Variants in CADM1 observed in about 807,000 individuals in gnomAD.
CADM1 encodes the protein cell adhesion molecule 1.
CADM1 carries 15 observed loss-of-function variants against 53.1 expected under a neutral mutation model. That is an observed-to-expected ratio of 0.28 (90% CI 0.19 to 0.44). The LOEUF (loss-of-function observed/expected upper bound fraction) is 0.44, where lower values mean the gene tolerates loss of function less well. Among genes scored for constraint, CADM1 ranks in the 20% least tolerant of loss-of-function variants. CADM1 has a pLI of 1.00. For synonymous variants in CADM1, 281 were observed against 243.0 expected (o/e 1.16, Z -1.45); for missense variants, 434 against 611.3 (o/e 0.71, Z 3.06).
At chr11:115,398,346 T>C (rs1243552248) in intron 1 of CADM1, among the ~76,000 whole-genome samples, 2 of 152,198 alleles carry the variant, frequency 1.3e-5, no homozygotes, top group Non-Finnish European at 2.9e-5. Context: ...CAGCATCTCC[T>C]TAGAGAGGAA....
chr11:115,332,477 T>C (rs1388709787), intron 1 of CADM1, among the ~76,000 whole-genome samples: 1 of 152,168 alleles, frequency 6.6e-6, no homozygotes, highest in Non-Finnish European at 1.5e-5. Flanking sequence ...ATGCTCTACT[T>C]ACTGAGGATT....
chr11:115,352,545 C>T (rs1351026888), intron 1 of CADM1, among the ~76,000 whole-genome samples: 1 of 152,152 alleles, frequency 6.6e-6, no homozygotes, highest in African/African-American at 2.4e-5. Context: ...AAGAGCTCAT[C>T]TCCAGGAAAA....
chr11:115,182,840 G>T (rs1939375532), intron 10 of CADM1, among the ~76,000 whole-genome samples: 1 of 152,148 alleles, frequency 6.6e-6, no homozygotes, highest in African/African-American at 2.4e-5. Flanking sequence ...GATAAATCAT[G>T]AGGTGTTTAG....
chr11:115,461,304 T>C (rs557823967), intron 1 of CADM1, among the ~76,000 whole-genome samples: 1 of 152,116 alleles, frequency 6.6e-6, no homozygotes, highest in East Asian at 1.9e-4. Context: ...GTCATCTTCA[T>C]ATAGGAAGGT....
intron 6 of CADM1, 113 bp from the exon 7 acceptor site, chr11:115,214,893 G>T: frequency 9.0e-7 from 1 of 1,106,136 alleles, no homozygotes; most frequent in Non-Finnish European, 1.4e-6. Flanking sequence ...GATATTTTAA[G>T]TTCACAGAAT....
At chr11:115,256,508 C>T (rs572773558) in intron 1 of CADM1, among the ~76,000 whole-genome samples, 4 of 152,282 alleles carry the variant, frequency 2.6e-5, no homozygotes, top group Admixed American at 6.5e-5. Flanking sequence ...CTAACAGCAT[C>T]GTTAGCAGCT....
intron 1 of CADM1, among the ~76,000 whole-genome samples, chr11:115,350,340 A>G (rs1367620956): frequency 6.6e-6 from 1 of 152,188 alleles, no homozygotes; most frequent in South Asian, 2.1e-4. Flanking sequence ...CTATTGGTCA[A>G]AAGGGTGATT....
intron 1 of CADM1, among the ~76,000 whole-genome samples, chr11:115,338,877 ATT>A (rs56300408): frequency 1.9e-4 from 24 of 127,754 alleles, no homozygotes; most frequent in African/African-American, 6.4e-4. Context: ...TATTTTTTTT[ATT>A]TTTTTTTTTT....
intron 1 of CADM1, among the ~76,000 whole-genome samples, chr11:115,411,507 T>C (rs1266367373): frequency 1.3e-5 from 2 of 152,156 alleles, no homozygotes; most frequent in Non-Finnish European, 2.9e-5. Flanking sequence ...TAGGAGAGCC[T>C]TACTACAATC....
chr11:115,483,441 G>C (rs954718308), intron 1 of CADM1, among the ~76,000 whole-genome samples: 5 of 152,160 alleles, frequency 3.3e-5, no homozygotes. Context: ...GACAAAGCTA[G>C]AGCTATTAAT....
intron 9 of CADM1, among the ~76,000 whole-genome samples, chr11:115,192,730 G>A (rs1939941381): frequency 1.3e-5 from 2 of 152,070 alleles, no homozygotes; most frequent in Admixed American, 1.3e-4. Flanking sequence ...CTCGGGGAGG[G>A]CATTAGAAAG....
intron 1 of CADM1, among the ~76,000 whole-genome samples, chr11:115,327,745 A>T (rs1944998069): frequency 1.3e-5 from 2 of 152,178 alleles, no homozygotes; most frequent in African/African-American, 4.8e-5. Context: ...CAGTGTCCTC[A>T]TTTGTAAAGT....
intron 1 of CADM1, among the ~76,000 whole-genome samples, chr11:115,361,080 A>G (rs993977556): frequency 6.6e-6 from 1 of 152,162 alleles, no homozygotes; most frequent in South Asian, 2.1e-4. Flanking sequence ...CTACTTCTTG[A>G]TCTCAAATTC....
chr11:115,292,154 C>T (rs1487710805), intron 1 of CADM1, among the ~76,000 whole-genome samples: 3 of 152,194 alleles, frequency 2.0e-5, no homozygotes, highest in African/African-American at 4.8e-5. Flanking sequence ...CGCACAGTCG[C>T]TGACAACCTT....
chr11:115,386,024 A>C (rs1946691216), intron 1 of CADM1, among the ~76,000 whole-genome samples: 1 of 152,240 alleles, frequency 6.6e-6, no homozygotes, highest in Non-Finnish European at 1.5e-5. Context: ...CCTCTAACAA[A>C]ATTACCTGCT....
At chr11:115,442,109 GGAGA>G (rs1378568345) in intron 1 of CADM1, among the ~76,000 whole-genome samples, 7 of 151,890 alleles carry the variant, frequency 4.6e-5, no homozygotes, top group African/African-American at 1.7e-4. Flanking sequence ...CTAAGTGGTG[GGAGA>G]GAGGGCCAGG....
chr11:115,239,817 G>A lies in CADM1; in HGVS notation c.271+457C>T, dbSNP rs567562681. 5.0e-4 allele frequency among the ~76,000 whole-genome samples: 76 copies of A among 151,062 alleles called. 1 individual carries two copies. Among genetic ancestry groups the A allele is most frequent in the Admixed American group, 1.5e-3 (22 of 15,136 alleles). ...AGTCCATTGCAATTTTGTTTTTTGTGATATTACATTTGGAAAGATTTCAGC... is the reference window on the plus strand; with the variant it reads ...AGTCCATTGCAATTTTGTTTTTTGTAATATTACATTTGGAAAGATTTCAGC... On this transcript the variant is annotated intron_variant, in intron 2 of 11. Coordinates refer to ENST00000331581, the MANE Select transcript of CADM1 (RefSeq NM_001301043.2).
At chr11:115,474,614 C>T (rs983540504) in intron 1 of CADM1, among the ~76,000 whole-genome samples, 6 of 148,484 alleles carry the variant, frequency 4.0e-5, no homozygotes, top group Admixed American at 6.8e-5. Flanking sequence ...AACCAAACAC[C>T]GCATGCTCTC....
chr11:115,349,540 C>T (rs1451182492), intron 1 of CADM1, among the ~76,000 whole-genome samples: 1 of 152,174 alleles, frequency 6.6e-6, no homozygotes, highest in Non-Finnish European at 1.5e-5. Context: ...CTGACTAATG[C>T]ACAATGCCTG....
Sources: allele counts gnomAD v4.1 joint callset (sites outside exome capture counted in the v4.1 genomes callset), GRCh38; gene constraint gnomAD v4.1.1; transcripts MANE v1.5; gene names NCBI Gene and HGNC (gene_info 2026-07-23, HGNC 2026-07-21).